Variants in EFCAB10 observed in about 807,000 individuals in gnomAD.
The protein encoded by EFCAB10 is EF-hand calcium binding domain 10.
Under a neutral mutation model 7.7 loss-of-function variants are expected in EFCAB10, and 7 were observed. The observed-to-expected ratio is 0.91, with a 90% CI of 0.52 to 1.72. The LOEUF is 1.72. Ranked by LOEUF, EFCAB10 falls within the 40% of genes most tolerant of loss-of-function variation. The pLI, the probability that EFCAB10 is intolerant of heterozygous loss-of-function variation, is 0.00. For missense variants in EFCAB10, 112 were observed against 61.5 expected (o/e 1.82, Z -2.74); for synonymous variants, 52 against 21.0 (o/e 2.47, Z -4.03).
chr7:105,572,474 T>C (rs923876336), intron 1 of EFCAB10: 2 of 152,244 alleles, frequency 1.3e-5, no homozygotes, highest in African/African-American at 2.4e-5. Flanking sequence ...CTATTGTGAA[T>C]AGTGCTGCGA....
intron 1 of EFCAB10, chr7:105,573,587 T>C (rs1727428986): frequency 2.6e-5 from 4 of 152,182 alleles, no homozygotes; most frequent in Admixed American, 2.6e-4. Flanking sequence ...TTTTAAATCA[T>C]GAAAGGAAGA....
intron 1 of EFCAB10, among the ~76,000 whole-genome samples, chr7:105,575,461 A>G (rs1792055376): frequency 1.3e-5 from 2 of 152,192 alleles, no homozygotes; most frequent in South Asian, 4.1e-4. Context: ...AGTGTCCGCC[A>G]CCATGCTCAG....
intron 1 of EFCAB10, among the ~76,000 whole-genome samples, chr7:105,579,628 T>C (rs2115585134): frequency 6.6e-6 from 1 of 152,292 alleles, no homozygotes; most frequent in East Asian, 1.9e-4. Context: ...AAGATGGGTG[T>C]GAGTGGGAAC....
In EFCAB10 at chr7:105,581,362, C is replaced by A; in HGVS notation, c.102G>T (p.Arg34=). Reference sequence around the variant, plus strand: ...CCGGGGCATGGGGGCCCTTACCCGGCCGAAAGAAAAGGAGGGCGCTGGTGA... The same window carrying A: ...CCGGGGCATGGGGGCCCTTACCCGGACGAAAGAAAAGGAGGGCGCTGGTGA... The part of the protein sequence containing the change: ...SYLTSALLFF[R]PEKPKEYLIS... Residue 34 remains arginine, a synonymous_variant, in exon 1 of 5, where the codon CGG becomes CGT. Transcript: ENST00000480514. 1.4e-6 allele frequency: 1 copy of A among 702,884 alleles called. No homozygotes were observed. Among genetic ancestry groups the A allele is most frequent in the Non-Finnish European group, 2.6e-6 (1 of 384,934 alleles). The allele number at this position is 702,884 out of a possible 1,614,324, so 43.5% of individuals were successfully genotyped here.
chr7:105,576,437 C>T (rs1481612582), intron 1 of EFCAB10, among the ~76,000 whole-genome samples: 1 of 148,192 alleles, frequency 6.7e-6, no homozygotes, highest in Non-Finnish European at 1.5e-5. Context: ...TTAAGGAATT[C>T]TCATCATCAT....
Position 105,574,610 on chromosome 7 carries a change from G to A in EFCAB10, c.107-5039C>T, listed in dbSNP as rs930996750. 4.0e-5 allele frequency among the ~76,000 whole-genome samples: 6 copies of A among 151,662 alleles called. No homozygotes were observed. The East Asian group carries it at 9.9e-4, about 25-fold the overall frequency. ...TGCCATTCTCCTGCCTCAGCCTCCC[G>A]AGTAGCTGGGATTACAGGCGCCCGC... On this transcript the variant is annotated intron_variant, in intron 1 of 4. Transcript: ENST00000480514.
rs1344746705 is a variant in EFCAB10 at position 105,567,484 on chromosome 7, C to T, written c.366G>A (p.Lys122=). The change falls in exon 4 of 5, where the codon AAG becomes AAA. Residue 122 remains lysine (K), a synonymous_variant. Coordinates refer to ENST00000480514, the MANE Select transcript of EFCAB10 (RefSeq NM_001355526.2). ...ATGCTGACCATATTTCCTTCATCCT[C>T]TTGTTCCTAAGGAAACAAAAACAGA... ...TLDKFKEEVN[K]RMKEI is the part of the protein sequence containing the mutation. 2 of 706,154 alleles carry T rather than the reference C, an allele frequency of 2.8e-6. No homozygotes were observed. The highest frequency in any genetic ancestry group is 5.1e-6 in the Non-Finnish European group (2 of 392,390). 43.7% of individuals were successfully genotyped at this position (706,154 alleles called of 1,614,324 possible).
chr7:105,570,808 A>AG (rs1204895824), intron 1 of EFCAB10, among the ~76,000 whole-genome samples: 1 of 152,016 alleles, frequency 6.6e-6, no homozygotes, highest in Non-Finnish European at 1.5e-5. Context: ...GTGGATCATG[A>AG]GGTCGGGAGA....
chr7:105,569,296 A>C lies in EFCAB10; in HGVS notation c.272-6T>G, dbSNP rs1384368237. 3 of 699,104 alleles carry C rather than the reference A, an allele frequency of 4.3e-6. No homozygotes were observed. In the African/African-American group the frequency reaches 5.3e-5, roughly 12 times the overall value. 43.3% of individuals were successfully genotyped at this position (699,104 alleles called of 1,614,324 possible). A position where few individuals can be genotyped will look rare whatever the true frequency, so the allele number is the denominator to read the frequency against. ...TAGACCCAGGGTTTTTAGGGCTGTAAAATAATGAGAAGAAATGAAGTGAGA... is the reference window on the plus strand; with the variant it reads ...TAGACCCAGGGTTTTTAGGGCTGTACAATAATGAGAAGAAATGAAGTGAGA... On this transcript the variant is annotated splice_region_variant and splice_polypyrimidine_tract_variant and intron_variant, in intron 2 of 4. Transcript: ENST00000480514.
intron 1 of EFCAB10, among the ~76,000 whole-genome samples, chr7:105,570,286 CATATACACAT>C (rs1562866539): frequency 9.0e-6 from 1 of 110,766 alleles, no homozygotes; most frequent in Non-Finnish European, 1.8e-5. Context: ...CACACACATA[CATATACACAT>C]ACACACACAC....
chr7:105,573,448 T>C (rs1017817242), intron 1 of EFCAB10: 2 of 152,220 alleles, frequency 1.3e-5, no homozygotes, highest in African/African-American at 4.8e-5. Context: ...CCAGGCTTAT[T>C]GTGTATCCTT....
chr7:105,573,957 CA>C (rs1446244294), intron 1 of EFCAB10, among the ~76,000 whole-genome samples: 2 of 152,150 alleles, frequency 1.3e-5, no homozygotes, highest in African/African-American at 4.8e-5. Context: ...ACCACTCCCA[CA>C]GCAATCTCTC....
chr7:105,574,178 GTATA>G (rs1307599193), intron 1 of EFCAB10, among the ~76,000 whole-genome samples: 1 of 35,282 alleles, frequency 2.8e-5, no homozygotes, highest in Non-Finnish European at 6.9e-5. Flanking sequence ...ACACCCATAT[GTATA>G]TATACACACA....
At chr7:105,568,638 G>T (rs1461943962) in intron 3 of EFCAB10, among the ~76,000 whole-genome samples, 1 of 152,000 alleles carries the variant, frequency 6.6e-6, no homozygotes, top group Admixed American at 6.6e-5. Flanking sequence ...TTTGAGAATT[G>T]CTGGGGCTTC....
At chr7:105,576,437 C>CTCA (rs949586433) in intron 1 of EFCAB10, among the ~76,000 whole-genome samples, 4 of 148,192 alleles carry the variant, frequency 2.7e-5, no homozygotes, top group African/African-American at 1.1e-4. Flanking sequence ...TTAAGGAATT[C>CTCA]TCATCATCAT....
chr7:105,578,529 G>A (rs575753403), intron 1 of EFCAB10, among the ~76,000 whole-genome samples: 2 of 152,150 alleles, frequency 1.3e-5, no homozygotes, highest in Admixed American at 1.3e-4. Flanking sequence ...AAAGTACCTA[G>A]AGCACAAACA....
At chr7:105,581,295 G>C (rs1284591319) in intron 1 of EFCAB10, 63 bp downstream of exon 1, 1 of 690,014 alleles carries the variant, frequency 1.4e-6, no homozygotes, top group Non-Finnish European at 2.7e-6. Context: ...TAAGAGGGGG[G>C]TTTCGTGTGG....
chr7:105,581,491 A>C lies in EFCAB10; in HGVS notation c.-28T>G. 2 of 702,642 alleles carry C rather than the reference A, an allele frequency of 2.8e-6. No homozygotes were observed. Among genetic ancestry groups the C allele is most frequent in the Non-Finnish European group, 5.2e-6 (2 of 384,692 alleles). 43.5% of individuals were successfully genotyped at this position (702,642 alleles called of 1,614,324 possible). ...CTCCGCGTCCCGCTGTTGCTAGGCGACTGCCTGGCGTCTCAGCCGTGCGAC... is the reference window on the plus strand; with the variant it reads ...CTCCGCGTCCCGCTGTTGCTAGGCGCCTGCCTGGCGTCTCAGCCGTGCGAC... On this transcript the variant is annotated 5_prime_UTR_variant, in exon 1 of 5. Coordinates refer to ENST00000480514, the MANE Select transcript of EFCAB10 (RefSeq NM_001355526.2).
chr7:105,570,252 TATATATATATATATATAC>T (rs1401680380), intron 1 of EFCAB10, among the ~76,000 whole-genome samples: 2 of 86,866 alleles, frequency 2.3e-5, no homozygotes, highest in East Asian at 6.2e-4. Flanking sequence ...TATATATATA[TATATATATATATATATAC>T]ACACACACAC....
Sources: gnomAD v4.1 joint callset for allele counts (sites outside exome capture counted in the v4.1 genomes callset) on GRCh38, gnomAD v4.1.1 for gene constraint, MANE v1.5 for transcripts, NCBI Gene and HGNC (gene_info 2026-07-23, HGNC 2026-07-21) for gene names.